Variants in PIKFYVE observed in about 807,000 individuals in gnomAD.
PIKFYVE encodes 1-phosphatidylinositol 3-phosphate 5-kinase.
Under a neutral mutation model 257.9 loss-of-function variants are expected in PIKFYVE, and 122 were observed. The observed-to-expected ratio is 0.47, with a 90% confidence interval of 0.41 to 0.55. The LOEUF (loss-of-function observed/expected upper bound fraction) is 0.55. PIKFYVE is among the 20% of genes least tolerant of loss of function. The pLI, the probability that PIKFYVE is intolerant of heterozygous loss-of-function variation, is 0.00. For missense variants in PIKFYVE, 2,160 were observed against 2,536.6 expected, an observed-to-expected ratio of 0.85 and a Z score of 3.19; for synonymous variants, 892 against 868.9, an observed-to-expected ratio of 1.03 and a Z score of -0.47.
rs981379137 is a variant in PIKFYVE at position 208,328,370 on chromosome 2, C to T, written c.3719+90C>T. The T allele has an allele frequency of 9.3e-6, 14 of 1,510,124 alleles. No individual in the cohort carries two copies. In the African/African-American group the frequency reaches 1.7e-4, roughly 18 times the overall value. 93.5% of individuals were successfully genotyped at this position (1,510,124 alleles called of 1,614,324 possible). A position where few individuals can be genotyped will look rare whatever the true frequency, so the allele number is the denominator to read the frequency against. On this transcript the variant is annotated intron_variant, in intron 21 of 41. Transcript: ENST00000264380. ...AAAAACAAAAAAACAGTCATTAGGA[C>T]CTGTATTTAGGTACACAGCACACTG...
intron 16 of PIKFYVE, among the ~76,000 whole-genome samples, chr2:208,318,207 T>G (rs1695779011): frequency 1.3e-5 from 2 of 152,212 alleles, no homozygotes; most frequent in South Asian, 4.1e-4. Context: ...GATAAGATAC[T>G]GGCATTATTT....
Position 208,335,815 on chromosome 2 carries a change from A to G in PIKFYVE, c.4279A>G (p.Ile1427Val), listed in dbSNP as rs149037721. ...TAGAGTTTCACAGGTATATGTTGCC[A>G]TTGATGAAAGACTTGCATCTTTGAA... ...FQKVSQVYVA[I>V]DERLASLKTD... Residue 1427 changes from isoleucine to valine, a missense_variant, in exon 26 of 42, where the codon ATT becomes GTT. Physicochemically the swap from Ile to Val is conservative, Grantham distance 29 (BLOSUM62 3). Transcript: ENST00000264380. The G allele has an allele frequency of 8.4e-5, 136 of 1,612,714 alleles. 1 individual carries two copies. In the African/African-American group the frequency reaches 1.3e-3, roughly 15 times the overall value.
chr2:208,324,846 GATT>G (rs1463297768), intron 18 of PIKFYVE, 62 bp from the exon 19 acceptor site: 2 of 1,567,482 alleles, frequency 1.3e-6, no homozygotes, highest in African/African-American at 2.7e-5. Context: ...TACTTTTCCA[GATT>G]AAATTTACAA....
chr2:208,307,862 G>T (rs562725344), intron 12 of PIKFYVE, among the ~76,000 whole-genome samples: 16 of 152,180 alleles, frequency 1.1e-4, no homozygotes, highest in Admixed American at 2.6e-4. Flanking sequence ...GGACAATTTC[G>T]TACTTGAAAT....
rs1334820404 is a variant in PIKFYVE, at chr2:208,277,726, C to G, written c.613+18C>G. 1.2e-6 allele frequency: 2 copies of G among 1,611,122 alleles called. No homozygotes were observed. Among genetic ancestry groups the G allele is most frequent in the Non-Finnish European group, 1.7e-6 (2 of 1,177,388 alleles). ...CTATACAGGTAAATGCATTTTATTG[C>G]CAGTTTACAATTTTTAAAGGTCATA... On this transcript the variant is annotated intron_variant, in intron 5 of 41. Transcript: ENST00000264380.
At chr2:208,345,065 A>G (rs1300708686) in intron 32 of PIKFYVE, 46 bp from the exon 33 acceptor site, 1 of 1,275,608 alleles carries the variant, frequency 7.8e-7, no homozygotes, top group Non-Finnish European at 1.1e-6. Context: ...TTACTTTTAA[A>G]GAAGAAGTTA....
At chr2:208,313,988 T>C (rs1004910800) in intron 13 of PIKFYVE, among the ~76,000 whole-genome samples, 16 of 152,246 alleles carry the variant, frequency 1.1e-4, no homozygotes, top group Non-Finnish European at 2.9e-5. Context: ...CTTATAATTA[T>C]TGGCTTGAGA....
chr2:208,272,006 G>A (rs1194870364), intron 2 of PIKFYVE, among the ~76,000 whole-genome samples: 2 of 152,018 alleles, frequency 1.3e-5, no homozygotes, highest in African/African-American at 4.8e-5. Flanking sequence ...AGGCTGAGGC[G>A]GGTGGATCAC....
chr2:208,282,510 C>T (rs1574434604), intron 5 of PIKFYVE, among the ~76,000 whole-genome samples: 1 of 152,312 alleles, frequency 6.6e-6, no homozygotes, highest in South Asian at 2.1e-4. Context: ...GCTGGAAACT[C>T]CTACAGGATT....
At position 208,324,947 on chromosome 2, in the gene PIKFYVE, GATTT is replaced by G; in HGVS notation, c.2370_2373del (p.Asp790GlufsTer2). 6.2e-7 allele frequency: 1 copy of G among 1,614,044 alleles called. No homozygotes were observed. The highest frequency in any genetic ancestry group is 8.5e-7 in the Non-Finnish European group (1 of 1,179,948). ...ACGAATCAGTCGAATGACCCAAGGTGATTTAGTGATGTCAATGGACCAGCTGCTT... is the reference window on the plus strand; with the variant it reads ...ACGAATCAGTCGAATGACCCAAGGTGAGTGATGTCAATGGACCAGCTGCTT... On this transcript the variant is annotated frameshift_variant, in exon 19 of 42. Transcript: ENST00000264380. LOFTEE classifies it high-confidence loss of function.
At chr2:208,317,812 T>G in intron 15 of PIKFYVE, 55 bp from the exon 16 acceptor site, 2 of 1,454,708 alleles carry the variant, frequency 1.4e-6, no homozygotes, top group Non-Finnish European at 1.9e-6. Flanking sequence ...TACATCTAAC[T>G]AGATTCTAAG....
intron 30 of PIKFYVE, among the ~76,000 whole-genome samples, chr2:208,339,774 A>G (rs1384530147): frequency 6.6e-6 from 1 of 152,180 alleles, no homozygotes; most frequent in Admixed American, 6.5e-5. Context: ...TAATAGCCAC[A>G]GTGCTTCAGA....
At chr2:208,285,098 T>A (rs1691380029) in intron 5 of PIKFYVE, among the ~76,000 whole-genome samples, 1 of 152,178 alleles carries the variant, frequency 6.6e-6, no homozygotes, top group African/African-American at 2.4e-5. Flanking sequence ...TTTATTTTAT[T>A]TATTTATTTA....
At chr2:208,281,693 CAAATG>C (rs1215886495) in intron 5 of PIKFYVE, among the ~76,000 whole-genome samples, 2 of 152,220 alleles carry the variant, frequency 1.3e-5, no homozygotes, top group Non-Finnish European at 2.9e-5. Flanking sequence ...TTAATCTCCT[CAAATG>C]AGGTGGAAAG....
At chr2:208,352,613 C>G in intron 38 of PIKFYVE, 41 bp from the exon 39 acceptor site, 1 of 1,602,106 alleles carries the variant, frequency 6.2e-7, no homozygotes, top group East Asian at 2.3e-5. Context: ...TTATAAATAA[C>G]CCTTTTTGAT....
intron 40 of PIKFYVE, 122 bp from the exon 41 acceptor site, chr2:208,354,449 C>T: frequency 1.0e-6 from 1 of 979,454 alleles, no homozygotes; most frequent in Non-Finnish European, 1.6e-6. Flanking sequence ...GCACTTGGCA[C>T]ATTGTTAGCA....
At chr2:208,347,408 T>C (rs1699329933) in intron 34 of PIKFYVE, among the ~76,000 whole-genome samples, 1 of 152,200 alleles carries the variant, frequency 6.6e-6, no homozygotes, top group Admixed American at 6.5e-5. Flanking sequence ...GGAACACAAA[T>C]GACACAAAGA....
chr2:208,315,475 G>C (rs1405967303), intron 15 of PIKFYVE, 102 bp downstream of exon 15: 2 of 1,384,012 alleles, frequency 1.4e-6, no homozygotes, highest in African/African-American at 2.9e-5. Flanking sequence ...TACCCTGAGG[G>C]GTGCTAGGTG....
chr2:208,285,975 A>G (rs771186531), intron 6 of PIKFYVE, 42 bp downstream of exon 6: 1 of 1,576,026 alleles, frequency 6.3e-7, no homozygotes, highest in Non-Finnish European at 8.7e-7. Context: ...GTTGAAAAAT[A>G]TCGATAGTTG....
Sources: allele counts gnomAD v4.1 joint callset (sites outside exome capture counted in the v4.1 genomes callset), GRCh38; gene constraint gnomAD v4.1.1; transcripts MANE v1.5; gene names NCBI Gene and HGNC (gene_info 2026-07-23, HGNC 2026-07-21).